The following IMMP2L variants were observed in gnomAD, a reference collection of about 807,000 sequenced individuals.
The protein encoded by IMMP2L is mitochondrial inner membrane protease subunit 2.
Under a neutral mutation model 19.3 loss-of-function variants are expected in IMMP2L, and 18 were observed. The ratio of observed to expected loss-of-function variants is 0.93; its 90% confidence interval spans 0.64 to 1.38. IMMP2L has a LOEUF of 1.38. Ranked by LOEUF, IMMP2L falls within the 40% of genes most tolerant of loss-of-function variation. IMMP2L has a pLI of 0.00. For missense variants in IMMP2L, 233 were observed against 218.2 expected, an observed-to-expected ratio of 1.07 and a Z score of -0.43; for synonymous variants, 76 against 73.0, an observed-to-expected ratio of 1.04 and a Z score of -0.21.
intron 3 of IMMP2L, among the ~76,000 whole-genome samples, chr7:111,447,812 C>T (rs1838664572): frequency 1.3e-5 from 2 of 151,826 alleles, no homozygotes; most frequent in African/African-American, 4.8e-5. Flanking sequence ...TCAGGAAACC[C>T]ATCTCACGTG....
intron 3 of IMMP2L, among the ~76,000 whole-genome samples, chr7:111,376,953 A>T (rs1830730058): frequency 6.6e-6 from 1 of 152,008 alleles, no homozygotes; most frequent in Non-Finnish European, 1.5e-5. Flanking sequence ...AGGGTAATAC[A>T]AATGTTCTAA....
chr7:111,158,490 C>T (rs1323053012), intron 3 of IMMP2L, among the ~76,000 whole-genome samples: 1 of 152,088 alleles, frequency 6.6e-6, no homozygotes, highest in Non-Finnish European at 1.5e-5. Flanking sequence ...TGTGCTCTTA[C>T]AATTGCTAAG....
chr7:111,007,884 A>G (rs1824475392), intron 3 of IMMP2L, among the ~76,000 whole-genome samples: 1 of 151,946 alleles, frequency 6.6e-6, no homozygotes, highest in Admixed American at 6.6e-5. Context: ...ACTTTCTACC[A>G]TTTCTCGTCT....
At chr7:110,894,539 C>G (rs1486562929) in intron 4 of IMMP2L, among the ~76,000 whole-genome samples, 1 of 152,138 alleles carries the variant, frequency 6.6e-6, no homozygotes, top group Non-Finnish European at 1.5e-5. Flanking sequence ...ATCTATTCAA[C>G]TTTTAAAAAT....
chr7:111,548,106 G>A (rs1849104789), intron 1 of IMMP2L, among the ~76,000 whole-genome samples: 1 of 151,990 alleles, frequency 6.6e-6, no homozygotes, highest in Non-Finnish European at 1.5e-5. Flanking sequence ...CGTTTAGCCT[G>A]GGTAGTGAGA....
At chr7:111,269,038 A>C (rs1392521995) in intron 3 of IMMP2L, among the ~76,000 whole-genome samples, 1 of 152,136 alleles carries the variant, frequency 6.6e-6, no homozygotes, top group Non-Finnish European at 1.5e-5. Flanking sequence ...AAAAGTAAGG[A>C]CAATACAGGG....
intron 3 of IMMP2L, among the ~76,000 whole-genome samples, chr7:111,176,691 T>C (rs1807100147): frequency 6.6e-6 from 1 of 151,878 alleles, no homozygotes; most frequent in African/African-American, 2.4e-5. Flanking sequence ...ATAGAATGAA[T>C]AAAATCTAGT....
chr7:110,866,911 C>T (rs949652927), intron 5 of IMMP2L, among the ~76,000 whole-genome samples: 1 of 152,022 alleles, frequency 6.6e-6, no homozygotes, highest in African/African-American at 2.4e-5. Flanking sequence ...GAACCTTAAG[C>T]TATAATTACC....
chr7:110,889,549 C>T (rs558310854), intron 4 of IMMP2L, among the ~76,000 whole-genome samples: 12 of 152,300 alleles, frequency 7.9e-5, no homozygotes, highest in Admixed American at 7.2e-4. Context: ...GCTGTTAATA[C>T]AGATGAAGCT....
At chr7:111,013,824 A>T (rs904077871) in intron 3 of IMMP2L, among the ~76,000 whole-genome samples, 8 of 149,392 alleles carry the variant, frequency 5.4e-5, no homozygotes, top group African/African-American at 1.7e-4. Context: ...TAGACTGCTT[A>T]TTTTTTTTTT....
chr7:110,997,347 G>T (rs747861436), intron 3 of IMMP2L, among the ~76,000 whole-genome samples: 2 of 151,960 alleles, frequency 1.3e-5, no homozygotes, highest in African/African-American at 4.8e-5. Context: ...ACATAAAGAT[G>T]CTGTAGACAT....
At chr7:110,670,703 A>C (rs1791846626) in intron 5 of IMMP2L, among the ~76,000 whole-genome samples, 1 of 151,314 alleles carries the variant, frequency 6.6e-6, no homozygotes, top group Non-Finnish European at 1.5e-5. Context: ...AAAAAAAAAA[A>C]ACAAAAAAAA....
intron 5 of IMMP2L, among the ~76,000 whole-genome samples, chr7:110,849,830 AG>A (rs1285868479): frequency 1.3e-5 from 2 of 152,140 alleles, no homozygotes; most frequent in African/African-American, 2.4e-5. Context: ...TCAGAAAGGT[AG>A]AAAAGATTCA....
chr7:110,756,756 T>C (rs1291584512), intron 5 of IMMP2L, among the ~76,000 whole-genome samples: 2 of 152,128 alleles, frequency 1.3e-5, no homozygotes, highest in Non-Finnish European at 2.9e-5. Context: ...AGAAAATTGT[T>C]AAGAAAGATG....
At chr7:110,740,873 T>C (rs996545341) in intron 5 of IMMP2L, among the ~76,000 whole-genome samples, 1 of 151,850 alleles carries the variant, frequency 6.6e-6, no homozygotes, top group Non-Finnish European at 1.5e-5. Flanking sequence ...CTGCACATTC[T>C]GTACATGTAA....
At chr7:110,721,919 CAATCAT>C (rs987278905) in intron 5 of IMMP2L, among the ~76,000 whole-genome samples, 11 of 151,916 alleles carry the variant, frequency 7.2e-5, no homozygotes, top group Non-Finnish European at 1.5e-5. Context: ...AAGTTGTAAA[CAATCAT>C]AAGATAAGAC....
rs1386004805 is a variant in IMMP2L at position 111,307,115 on chromosome 7, C to T, written c.239+180123G>A. On this transcript the variant is annotated intron_variant, in intron 3 of 5. Coordinates refer to ENST00000405709, the MANE Select transcript of IMMP2L (RefSeq NM_032549.4). The stretch of plus-strand genomic sequence containing the variant: ...TGGGAACCTCAAAAAAGGAAATAAG[C>T]ACCTCTATTATACAATCTTAAATTG... Among the ~76,000 whole-genome samples, 6 of 151,218 alleles carry T rather than the reference C, an allele frequency of 4.0e-5. No homozygotes were observed. In the East Asian group the frequency reaches 1.2e-3, roughly 29 times the overall value.
intron 3 of IMMP2L, among the ~76,000 whole-genome samples, chr7:111,066,476 T>C (rs1012867128): frequency 1.3e-5 from 2 of 152,144 alleles, no homozygotes; most frequent in African/African-American, 2.4e-5. Flanking sequence ...AAATAGGAGA[T>C]GGATGAAAGA....
intron 3 of IMMP2L, among the ~76,000 whole-genome samples, chr7:111,347,400 T>A (rs566495476): frequency 2.6e-4 from 39 of 152,086 alleles, no homozygotes; most frequent in African/African-American, 8.9e-4. Context: ...TAAAAACGAT[T>A]AAGAAGTGGA....
Sources: gnomAD v4.1 joint callset for allele counts (sites outside exome capture counted in the v4.1 genomes callset) on GRCh38, gnomAD v4.1.1 for gene constraint, MANE v1.5 for transcripts, NCBI Gene and HGNC (gene_info 2026-07-23, HGNC 2026-07-21) for gene names.